HPSE2: variants seen among roughly 807,000 people sequenced by gnomAD.
HPSE2 encodes the protein heparanase 2 (inactive), also known as inactive heparanase-2.
In HPSE2, 38 loss-of-function variants were observed where a neutral mutation model predicts 60.5. That is an observed-to-expected ratio of 0.63 (90% confidence interval 0.48 to 0.82). HPSE2 has a LOEUF of 0.82. Ranked by LOEUF, HPSE2 falls within the 40% of genes least tolerant of loss-of-function variation. The pLI is 0.00. For synonymous variants in HPSE2, 295 were observed against 293.2 expected, an observed-to-expected ratio of 1.01 and a Z score of -0.06; for missense variants, 713 against 740.4, an observed-to-expected ratio of 0.96 and a Z score of 0.43.
chr10:99,009,244 A>C (rs1187662016), intron 3 of HPSE2, among the ~76,000 whole-genome samples: 12 of 34,638 alleles, frequency 3.5e-4, no homozygotes, highest in East Asian at 2.4e-3. Context: ...TGTCTACAAA[A>C]AAAAAAAAAA....
At chr10:98,975,654 T>C (rs1482795178) in intron 3 of HPSE2, among the ~76,000 whole-genome samples, 4 of 152,204 alleles carry the variant, frequency 2.6e-5, no homozygotes, top group Admixed American at 6.5e-5. Context: ...CAGGAAATTC[T>C]CTTTCATATC....
intron 3 of HPSE2, among the ~76,000 whole-genome samples, chr10:98,967,228 A>G (rs1324523032): frequency 2.6e-5 from 4 of 152,240 alleles, no homozygotes; most frequent in Non-Finnish European, 5.9e-5. Context: ...GAAAGAGTTT[A>G]GCACATGCTA....
At chr10:98,519,261 TAA>T (rs1942707225) in intron 9 of HPSE2, among the ~76,000 whole-genome samples, 1 of 152,206 alleles carries the variant, frequency 6.6e-6, no homozygotes, top group Non-Finnish European at 1.5e-5. Flanking sequence ...ATAACTAAGA[TAA>T]AGTCTCACAC....
At chr10:98,788,855 A>C (rs1950593749) in intron 3 of HPSE2, among the ~76,000 whole-genome samples, 2 of 151,118 alleles carry the variant, frequency 1.3e-5, no homozygotes, top group South Asian at 4.2e-4. Context: ...GGCACTCCCT[A>C]GTGAGGTGAA....
At chr10:98,806,839 G>A (rs1034438944) in intron 3 of HPSE2, among the ~76,000 whole-genome samples, 2 of 152,092 alleles carry the variant, frequency 1.3e-5, no homozygotes, top group African/African-American at 2.4e-5. Context: ...CGTTTACAAT[G>A]TGGTTAGAAT....
At chr10:99,185,298 C>G (rs1324609513) in intron 2 of HPSE2, among the ~76,000 whole-genome samples, 1 of 151,730 alleles carries the variant, frequency 6.6e-6, no homozygotes, top group East Asian at 1.9e-4. Context: ...AGCAAAGACT[C>G]TGTCTCAAAA....
chr10:98,720,686 G>C (rs1437328431), intron 5 of HPSE2, among the ~76,000 whole-genome samples: 1 of 152,088 alleles, frequency 6.6e-6, no homozygotes, highest in Non-Finnish European at 1.5e-5. Flanking sequence ...TTATAGCTGT[G>C]CTATGTATTA....
chr10:98,690,874 T>C (rs76968354), intron 6 of HPSE2, among the ~76,000 whole-genome samples: 1 of 152,288 alleles, frequency 6.6e-6, no homozygotes, highest in East Asian at 1.9e-4. Flanking sequence ...AAGAATATGC[T>C]TCCAAATCAA....
chr10:99,132,011 C>G (rs1845404098), intron 3 of HPSE2, among the ~76,000 whole-genome samples: 1 of 151,474 alleles, frequency 6.6e-6, no homozygotes, highest in Admixed American at 6.6e-5. Flanking sequence ...ACTCAGGAGG[C>G]TGAAGCAAGA....
chr10:99,037,450 G>A (rs1439925864), intron 3 of HPSE2, among the ~76,000 whole-genome samples: 1 of 152,010 alleles, frequency 6.6e-6, no homozygotes, highest in Non-Finnish European at 1.5e-5. Flanking sequence ...TATAAAATTA[G>A]TTTGAAATTA....
At chr10:99,142,701 C>G (rs1398352266) in intron 3 of HPSE2, among the ~76,000 whole-genome samples, 2 of 152,128 alleles carry the variant, frequency 1.3e-5, no homozygotes, top group African/African-American at 4.8e-5. Context: ...GAATAAACAT[C>G]CAAAGGGATT....
chr10:98,528,823 A>C (rs1943049043), intron 9 of HPSE2, among the ~76,000 whole-genome samples: 1 of 152,198 alleles, frequency 6.6e-6, no homozygotes, highest in Non-Finnish European at 1.5e-5. Context: ...GTGAATGAAA[A>C]AGAAAGGCCA....
intron 2 of HPSE2, among the ~76,000 whole-genome samples, chr10:99,188,137 A>G (rs1848095882): frequency 6.6e-6 from 1 of 152,220 alleles, no homozygotes; most frequent in Admixed American, 6.5e-5. Flanking sequence ...GGACAAGTGT[A>G]TATATACATT....
At chr10:99,007,930 C>A (rs1261881000) in intron 3 of HPSE2, among the ~76,000 whole-genome samples, 1 of 152,214 alleles carries the variant, frequency 6.6e-6, no homozygotes, top group Admixed American at 6.5e-5. Flanking sequence ...CTACATGATG[C>A]TGCCACCCTC....
intron 2 of HPSE2, among the ~76,000 whole-genome samples, chr10:99,184,819 T>TATATATATATAC (rs1554912295): frequency 1.5e-4 from 3 of 19,868 alleles, no homozygotes; most frequent in African/African-American, 5.0e-4. Flanking sequence ...TATATATATA[T>TATATATATATAC]AGAGAGAGAG....
At chr10:98,674,412 G>A (rs968147974) in intron 6 of HPSE2, among the ~76,000 whole-genome samples, 39 of 152,170 alleles carry the variant, frequency 2.6e-4, no homozygotes, top group Non-Finnish European at 5.3e-4. Flanking sequence ...TGCTTTTGAC[G>A]GTAGCAGCCT....
At chr10:99,156,824 G>A (rs1276705127) in intron 2 of HPSE2, among the ~76,000 whole-genome samples, 1 of 94,766 alleles carries the variant, frequency 1.1e-5, no homozygotes, top group African/African-American at 2.7e-5. Context: ...CCTGTTTGCA[G>A]ATGACATGAT....
At chr10:99,269,282 T>C in the HPSE2 span, among the ~76,000 whole-genome samples, 11,830 of 152,062 alleles carry the variant, frequency 0.078, 607 homozygotes, top group South Asian at 0.18. Flanking sequence ...AAATGGACAC[T>C]GAAAGTAAGC....
chr10:99,152,970 G>T (rs991461841), intron 2 of HPSE2, among the ~76,000 whole-genome samples: 4 of 152,330 alleles, frequency 2.6e-5, no homozygotes, highest in South Asian at 2.1e-4. Flanking sequence ...TTCCCTTTCC[G>T]AGTCAAAGAA....
Sources: gnomAD v4.1 joint callset for allele counts (sites outside exome capture counted in the v4.1 genomes callset) on GRCh38, gnomAD v4.1.1 for gene constraint, MANE v1.5 for transcripts, NCBI Gene and HGNC (gene_info 2026-07-23, HGNC 2026-07-21) for gene names.